The following ADK variants were observed in gnomAD, a reference collection of about 807,000 sequenced individuals.
The protein encoded by ADK is N6,N6-dimethyladenosine kinase.
In ADK, 24 loss-of-function variants were observed where a neutral mutation model predicts 44.7. The observed-to-expected ratio is 0.54, with a 90% confidence interval of 0.39 to 0.76. The LOEUF (loss-of-function observed/expected upper bound fraction) is 0.76, where lower values mean the gene tolerates loss of function less well. ADK is among the 30% of genes least tolerant of loss of function. The pLI is 0.00. For missense variants in ADK, 321 were observed against 425.1 expected (o/e 0.76, Z 2.15); for synonymous variants, 128 against 142.6 (o/e 0.90, Z 0.73).
intron 9 of ADK, among the ~76,000 whole-genome samples, chr10:74,642,511 A>AT (rs997398117): frequency 6.6e-6 from 1 of 151,802 alleles, no homozygotes; most frequent in African/African-American, 2.4e-5. Context: ...GACCTCAATA[A>AT]TTTTTTAAGA....
intron 9 of ADK, among the ~76,000 whole-genome samples, chr10:74,605,394 TC>T (rs1420592824): frequency 6.6e-6 from 1 of 152,212 alleles, no homozygotes; most frequent in African/African-American, 2.4e-5. Context: ...CATAAATAGT[TC>T]GTATTATTTT....
Position 74,398,477 on chromosome 10 carries a change from CAT to C in ADK, c.455_456del (p.Ile152SerfsTer2). ...TATTCTTTGGTTGTTTTAGGTCCCT[CAT>C]AGCTAATCTTGCTGCTGCCAATTGT... ...ACITGDNRSL[I>X]ANLAAANCYK... On this transcript the variant is annotated frameshift_variant, in exon 6 of 11. Transcript: ENST00000539909. LOFTEE classifies it high-confidence loss of function. The C allele has an allele frequency of 6.2e-7, 1 of 1,608,384 alleles. No homozygotes were observed. Among genetic ancestry groups the C allele is most frequent in the Non-Finnish European group, 8.5e-7 (1 of 1,175,562 alleles).
chr10:74,265,854 C>G (rs1425386536), intron 3 of ADK, among the ~76,000 whole-genome samples: 1 of 152,014 alleles, frequency 6.6e-6, no homozygotes, highest in Non-Finnish European at 1.5e-5. Context: ...TTTGCAGTAC[C>G]TGTTCAATTA....
intron 3 of ADK, among the ~76,000 whole-genome samples, chr10:74,253,024 A>T (rs972841565): frequency 1.3e-5 from 2 of 152,204 alleles, no homozygotes; most frequent in African/African-American, 4.8e-5. Context: ...ATTACTGTCC[A>T]CTGTGTCTAC....
At chr10:74,333,336 A>G (rs1179394329) in intron 4 of ADK, among the ~76,000 whole-genome samples, 2 of 152,192 alleles carry the variant, frequency 1.3e-5, no homozygotes, top group East Asian at 3.8e-4. Context: ...GTTGTACTTT[A>G]TTTAGAGAAC....
intron 2 of ADK, among the ~76,000 whole-genome samples, chr10:74,220,853 A>G (rs1472765329): frequency 2.0e-5 from 3 of 152,138 alleles, no homozygotes; most frequent in Non-Finnish European, 4.4e-5. Context: ...TAAATTAGGT[A>G]TTGATGGGAC....
chr10:74,167,184 T>C (rs554602861), intron 1 of ADK, among the ~76,000 whole-genome samples: 11 of 152,174 alleles, frequency 7.2e-5, no homozygotes, highest in African/African-American at 2.6e-4. Flanking sequence ...TGTAGAAAAA[T>C]ATAATAGAGA....
chr10:74,346,223 C>T (rs888453753), intron 4 of ADK, among the ~76,000 whole-genome samples: 5 of 152,090 alleles, frequency 3.3e-5, no homozygotes, highest in Admixed American at 1.3e-4. Context: ...ATCCAAAGTT[C>T]ATGTTTTTTT....
chr10:74,511,457 G>C (rs1304093252), intron 6 of ADK, among the ~76,000 whole-genome samples: 2 of 152,128 alleles, frequency 1.3e-5, no homozygotes, highest in Non-Finnish European at 2.9e-5. Context: ...CCATTTATTT[G>C]TATGCACTTC....
chr10:74,161,212 A>C (rs1841887713), intron 1 of ADK, among the ~76,000 whole-genome samples: 1 of 151,940 alleles, frequency 6.6e-6, no homozygotes, highest in Non-Finnish European at 1.5e-5. Flanking sequence ...ATTCCTATTT[A>C]TTTTTTTGAG....
At chr10:74,232,365 A>T (rs1018218758) in intron 3 of ADK, among the ~76,000 whole-genome samples, 5 of 151,672 alleles carry the variant, frequency 3.3e-5, no homozygotes, top group Non-Finnish European at 7.4e-5. Flanking sequence ...CTAAAAGTAT[A>T]AAAAAAATTA....
At chr10:74,206,559 C>T (rs952113868) in intron 2 of ADK, among the ~76,000 whole-genome samples, 1 of 152,146 alleles carries the variant, frequency 6.6e-6, no homozygotes, top group African/African-American at 2.4e-5. Flanking sequence ...TGCTCTTCCC[C>T]CCAGCCTGTC....
intron 2 of ADK, among the ~76,000 whole-genome samples, chr10:74,207,341 T>C (rs949174764): frequency 6.6e-6 from 1 of 152,200 alleles, no homozygotes; most frequent in African/African-American, 2.4e-5. Context: ...TCTTGTTGCC[T>C]GCAAGGTGCT....
chr10:74,437,193 A>G (rs1407903127), intron 6 of ADK, among the ~76,000 whole-genome samples: 1 of 152,218 alleles, frequency 6.6e-6, no homozygotes, highest in East Asian at 1.9e-4. Context: ...AGAAATTTGG[A>G]CCAATAAAAG....
chr10:74,494,781 G>A (rs928661835), intron 6 of ADK, among the ~76,000 whole-genome samples: 1 of 152,164 alleles, frequency 6.6e-6, no homozygotes, highest in African/African-American at 2.4e-5. Context: ...TCCTGCCTCA[G>A]CCTCCCAAAT....
At chr10:74,280,568 G>A (rs909572132) in intron 3 of ADK, among the ~76,000 whole-genome samples, 1 of 152,164 alleles carries the variant, frequency 6.6e-6, no homozygotes, top group Non-Finnish European at 1.5e-5. Flanking sequence ...CCTATGCCCA[G>A]CTCTAAATAA....
chr10:74,645,402 T>C (rs1451876380), intron 9 of ADK, among the ~76,000 whole-genome samples: 1 of 152,200 alleles, frequency 6.6e-6, no homozygotes, highest in Non-Finnish European at 1.5e-5. Context: ...TTTTAATTAG[T>C]AAAGTGCAAT....
In ADK at chr10:74,670,265, T is replaced by C; in HGVS notation, c.960T>C (p.Val320=). Residue 320 remains valine, a synonymous_variant, in exon 10 of 11, where the codon GTT becomes GTC. Transcript: ENST00000539909. ...IDTNGAGDAF[V]GGFLSQLVSD... The stretch of plus-strand genomic sequence containing the variant: ...CCAATGGAGCTGGAGATGCATTTGT[T>C]GGAGGTACAGACTAATTTATTTCAT... The C allele has an allele frequency of 6.2e-7, 1 of 1,611,670 alleles. No individual in the cohort carries two copies. Among genetic ancestry groups the C allele is most frequent in the Non-Finnish European group, 8.5e-7 (1 of 1,177,846 alleles).
intron 9 of ADK, among the ~76,000 whole-genome samples, chr10:74,621,292 A>T (rs1180304402): frequency 6.6e-6 from 1 of 152,150 alleles, no homozygotes; most frequent in East Asian, 1.9e-4. Context: ...CTAGATGCAT[A>T]TTTAGTTTTC....
Sources: allele counts gnomAD v4.1 joint callset (sites outside exome capture counted in the v4.1 genomes callset), GRCh38; gene constraint gnomAD v4.1.1; transcripts MANE v1.5; gene names NCBI Gene and HGNC (gene_info 2026-07-23, HGNC 2026-07-21).